The following COL24A1 variants were observed in gnomAD, a reference collection of about 807,000 sequenced individuals.
COL24A1 encodes collagen type XXIV alpha 1 chain, also known as collagen alpha-1(XXIV) chain.
COL24A1 carries 224 observed loss-of-function variants against 253.9 expected under a neutral mutation model. That is an observed-to-expected ratio of 0.88 (90% CI 0.79 to 0.99). COL24A1 has a LOEUF of 0.99. Among genes scored for constraint, COL24A1 ranks in the 50% least tolerant of loss-of-function variants. The pLI is 0.00. For synonymous variants in COL24A1, 685 were observed against 673.7 expected (o/e 1.02, Z -0.26); for missense variants, 2,131 against 2,068.5 (o/e 1.03, Z -0.59).
At chr1:85,834,463 T>C (rs1049305523) in intron 43 of COL24A1, among the ~76,000 whole-genome samples, 2 of 152,180 alleles carry the variant, frequency 1.3e-5, no homozygotes, top group African/African-American at 4.8e-5. Context: ...TGAGGTACTA[T>C]GGTTTGGCAC....
At chr1:85,885,499 G>T (rs1053992146) in intron 32 of COL24A1, among the ~76,000 whole-genome samples, 3 of 151,522 alleles carry the variant, frequency 2.0e-5, no homozygotes, top group African/African-American at 7.3e-5. Context: ...GGGTTTACAG[G>T]TGTGAGCCAC....
At chr1:86,000,415 CTTT>C (rs1434774822) in intron 19 of COL24A1, among the ~76,000 whole-genome samples, 1 of 152,138 alleles carries the variant, frequency 6.6e-6, no homozygotes. Flanking sequence ...AAACCTAATA[CTTT>C]TTTTATTGAC....
chr1:85,909,438 C>G (rs1228448031), intron 26 of COL24A1, among the ~76,000 whole-genome samples: 1 of 151,630 alleles, frequency 6.6e-6, no homozygotes, highest in African/African-American at 2.4e-5. Flanking sequence ...AGATGTAACC[C>G]AAATATAAAA....
chr1:85,746,694 G>T (rs916457428), intron 55 of COL24A1, among the ~76,000 whole-genome samples: 6 of 152,198 alleles, frequency 3.9e-5, no homozygotes, highest in Non-Finnish European at 8.8e-5. Context: ...GAATAAATAA[G>T]AATTGTTAGG....
At chr1:85,858,628 C>CTTCT (rs1678751308) in intron 37 of COL24A1, among the ~76,000 whole-genome samples, 1 of 116,652 alleles carries the variant, frequency 8.6e-6, no homozygotes, top group Admixed American at 8.2e-5. Flanking sequence ...TCCCTCCTTC[C>CTTCT]TTCCTTCCTT....
intron 47 of COL24A1, among the ~76,000 whole-genome samples, chr1:85,809,212 C>A (rs1672289465): frequency 6.6e-6 from 1 of 152,146 alleles, no homozygotes; most frequent in African/African-American, 2.4e-5. Context: ...CACATGACTC[C>A]TGAGCAGCAA....
intron 39 of COL24A1, among the ~76,000 whole-genome samples, chr1:85,847,330 A>G (rs1190400306): frequency 6.6e-6 from 1 of 152,252 alleles, no homozygotes; most frequent in Admixed American, 6.5e-5. Flanking sequence ...CCATGACAGC[A>G]TAGTTTTATA....
chr1:85,871,023 C>T (rs1469289344), intron 35 of COL24A1, among the ~76,000 whole-genome samples: 2 of 152,078 alleles, frequency 1.3e-5, no homozygotes. Flanking sequence ...GTTATCACCA[C>T]CGATCCCACA....
chr1:86,114,716 G>A (rs1250763793), intron 4 of COL24A1, among the ~76,000 whole-genome samples: 2 of 152,096 alleles, frequency 1.3e-5, no homozygotes, highest in Non-Finnish European at 2.9e-5. Context: ...AAATAAAGTG[G>A]ATTATATAAA....
chr1:85,994,062 ATTGAT>A lies in COL24A1; in HGVS notation c.2311-6413_2311-6409del, dbSNP rs1694542999. On this transcript the variant is annotated intron_variant, in intron 19 of 59. Coordinates refer to ENST00000370571, the MANE Select transcript of COL24A1 (RefSeq NM_152890.7). Reference sequence around the variant, plus strand: ...TTAACTCCCATGGAAAATTTCAATTATTGATTTAATATCCACTGTGCTTTAAATAT... The same window carrying A: ...TTAACTCCCATGGAAAATTTCAATTATTAATATCCACTGTGCTTTAAATAT... Among the ~76,000 whole-genome samples, 13 of 152,184 alleles carry A rather than the reference ATTGAT, an allele frequency of 8.5e-5. No homozygotes were observed. The South Asian group carries it at 2.7e-3, about 32-fold the overall frequency.
intron 20 of COL24A1, among the ~76,000 whole-genome samples, chr1:85,972,667 C>T (rs1349702515): frequency 6.6e-6 from 1 of 150,906 alleles, no homozygotes; most frequent in Non-Finnish European, 1.5e-5. Flanking sequence ...GAGGTGACTC[C>T]ACCTTCGACT....
chr1:86,024,475 C>T (rs887081475), intron 14 of COL24A1, among the ~76,000 whole-genome samples: 4 of 152,086 alleles, frequency 2.6e-5, no homozygotes, highest in African/African-American at 7.2e-5. Context: ...TAATTGTCTA[C>T]ATTTATATAA....
chr1:86,120,820 C>T (rs895832265), intron 3 of COL24A1, among the ~76,000 whole-genome samples: 1 of 152,178 alleles, frequency 6.6e-6, no homozygotes, highest in African/African-American at 2.4e-5. Flanking sequence ...ATAAATCATG[C>T]TGCTATAAAG....
At chr1:85,841,200 A>T (rs1421035792) in intron 42 of COL24A1, 22 bp downstream of exon 42, 2 of 1,564,762 alleles carry the variant, frequency 1.3e-6, no homozygotes, top group Non-Finnish European at 1.7e-6. Context: ...AATAACCAGA[A>T]TTATTTCAGA....
At chr1:85,975,677 A>G (rs112374530) in intron 20 of COL24A1, among the ~76,000 whole-genome samples, 3 of 152,268 alleles carry the variant, frequency 2.0e-5, no homozygotes, top group Non-Finnish European at 2.9e-5. Context: ...CACATCATGG[A>G]CTTTTGCTCC....
intron 8 of COL24A1, 49 bp downstream of exon 8, chr1:86,063,666 C>A (rs1701269905): frequency 1.5e-6 from 2 of 1,346,480 alleles, no homozygotes; most frequent in Admixed American, 5.0e-5. Flanking sequence ...AGTTCTCTAA[C>A]ATGTGTCTTT....
At chr1:85,840,513 A>T (rs958823444) in intron 42 of COL24A1, among the ~76,000 whole-genome samples, 1 of 152,158 alleles carries the variant, frequency 6.6e-6, no homozygotes, top group Non-Finnish European at 1.5e-5. Flanking sequence ...TTGTGCCTTA[A>T]GATTGTTTTA....
At chr1:85,965,484 T>C (rs779566133) in intron 22 of COL24A1, among the ~76,000 whole-genome samples, 1 of 152,092 alleles carries the variant, frequency 6.6e-6, no homozygotes, top group Non-Finnish European at 1.5e-5. Context: ...CACCGAAAAG[T>C]TCTTTGCAGA....
chr1:86,115,657 T>C lies in COL24A1; in HGVS notation c.1492-279A>G, dbSNP rs541417761. ...TTAAAGGGACCACAACTAGTAGTTT[T>C]GTGGGTAATTTTTTACCTAAATTTA... On this transcript the variant is annotated intron_variant, in intron 3 of 59. Coordinates refer to ENST00000370571, the MANE Select transcript of COL24A1 (RefSeq NM_152890.7). 2.0e-5 allele frequency among the ~76,000 whole-genome samples: 3 copies of C among 152,318 alleles called. No homozygotes were observed. In the East Asian group the frequency reaches 5.8e-4, roughly 29 times the overall value.
Sources: gnomAD v4.1 joint callset for allele counts (sites outside exome capture counted in the v4.1 genomes callset) on GRCh38, gnomAD v4.1.1 for gene constraint, MANE v1.5 for transcripts, NCBI Gene and HGNC (gene_info 2026-07-23, HGNC 2026-07-21) for gene names.